Variants in ZNF624 observed in about 807,000 individuals in gnomAD.
ZNF624 encodes the protein zinc finger protein 624.
A neutral mutation model predicts 74.7 loss-of-function variants in ZNF624; 43 were observed. That is an observed-to-expected ratio of 0.58 (90% CI 0.45 to 0.74). The LOEUF (loss-of-function observed/expected upper bound fraction) is 0.74. ZNF624 is among the 30% of genes least tolerant of loss of function. ZNF624 has a pLI of 0.00. For missense variants in ZNF624, 820 were observed against 1,030.0 expected (o/e 0.80, Z 2.79); for synonymous variants, 331 against 341.3 (o/e 0.97, Z 0.33).
Position 16,624,756 on chromosome 17 carries a change from C to T in ZNF624, c.377-247G>A, listed in dbSNP as rs151281539. 137 of 320,116 alleles carry T rather than the reference C, an allele frequency of 4.3e-4. No individual in the cohort carries two copies. The East Asian group carries it at 6.5e-3, about 15-fold the overall frequency. 19.8% of individuals were successfully genotyped at this position (320,116 alleles called of 1,614,324 possible). A position where few individuals can be genotyped will look rare whatever the true frequency, so the allele number is the denominator to read the frequency against. ...ATTCAGCTGGGCACAGTGGCTCATG[C>T]CTATAATCTCAGCACTTTGGGAGGC... On this transcript the variant is annotated intron_variant, in intron 5 of 5. Transcript: ENST00000311331.
At chr17:16,644,424 T>C (rs1008868453) in intron 3 of ZNF624, among the ~76,000 whole-genome samples, 1 of 152,028 alleles carries the variant, frequency 6.6e-6, no homozygotes, top group South Asian at 2.1e-4. Context: ...GCTAAAAGAG[T>C]ACCCATTTAT....
At chr17:16,643,064 C>T (rs9911162) in intron 3 of ZNF624, among the ~76,000 whole-genome samples, 34,791 of 152,092 alleles carry the variant, frequency 0.23, 4,402 homozygotes, top group East Asian at 0.35. Flanking sequence ...AACACTCATA[C>T]GTTGCTGGTG....
At chr17:16,650,111 C>T (rs1909686282) in intron 1 of ZNF624, among the ~76,000 whole-genome samples, 1 of 152,134 alleles carries the variant, frequency 6.6e-6, no homozygotes, top group African/African-American at 2.4e-5. Flanking sequence ...AATTCCAAAG[C>T]CCATACCTTT....
Position 16,649,493 on chromosome 17 carries a change from G to A in ZNF624, c.87+165C>T, listed in dbSNP as rs114162281. 3.1e-3 allele frequency among the ~76,000 whole-genome samples: 465 copies of A among 152,268 alleles called. 5 individuals carry two copies. The highest frequency in any genetic ancestry group is 0.011 in the African/African-American group (438 of 41,556). ...TTTGGTTAAGTAAGTATAGTGAATC[G>A]TCCCATAGTTTACTACCCTTACTGT... On this transcript the variant is annotated intron_variant, in intron 2 of 5. Coordinates refer to ENST00000311331, the MANE Select transcript of ZNF624 (RefSeq NM_020787.4).
At chr17:16,631,613 T>C (rs1286617221) in intron 5 of ZNF624, 1 of 152,058 alleles carries the variant, frequency 6.6e-6, no homozygotes. Flanking sequence ...CTCCCAGCTA[T>C]GTAGGAGGAT....
At chr17:16,619,843 G>A (rs548566433), downstream of ZNF624, among the ~76,000 whole-genome samples, 16 of 152,326 alleles carry the variant, frequency 1.1e-4, no homozygotes, top group African/African-American at 2.2e-4. Context: ...GTGAGGATTC[G>A]GAGGCAGAAT....
chr17:16,624,167 T>C lies in ZNF624; in HGVS notation c.719A>G (p.Asp240Gly), dbSNP rs1157001860. ...NFTENLNLIT[D>G]THLGKIICKE... ...GCAAATTATCTTCCCCAAATGGGTA[T>C]CTGTAATCAAATTTAAATTCTCTGT... The change falls in exon 6 of 6, where the codon GAT (aspartate) becomes GGT (glycine). Residue 240 changes from aspartate to glycine, a missense_variant. Transcript: ENST00000311331. 6.2e-7 allele frequency: 1 copy of C among 1,614,070 alleles called. No homozygotes were observed. The highest frequency in any genetic ancestry group is 1.3e-5 in the African/African-American group (1 of 74,946).
At chr17:16,649,546 T>G in intron 2 of ZNF624, 112 bp downstream of exon 2, 1 of 911,872 alleles carries the variant, frequency 1.1e-6, no homozygotes, top group Non-Finnish European at 1.8e-6. Flanking sequence ...GTCTATTTAG[T>G]TGAGTTCCCA....
At chr17:16,617,257 C>A (rs1286647008), downstream of ZNF624, 3 of 1,613,064 alleles carry the variant, frequency 1.9e-6, no homozygotes, top group Admixed American at 1.7e-5. Flanking sequence ...GCTGCTCCTG[C>A]GACTCCTACT....
Position 16,623,163 on chromosome 17 carries a change from G to T in ZNF624, c.1723C>A (p.Gln575Lys). The change falls in exon 6 of 6, where the codon CAG becomes AAG. Residue 575 changes from glutamine to lysine, a missense_variant. Coordinates refer to ENST00000311331, the MANE Select transcript of ZNF624 (RefSeq NM_020787.4). This position sits in a 1 kb window ranked among gnomAD's most constrained non-coding sequence, Gnocchi z 5.3. ...GGTTTCTCTTCAGTATGAATACGCT[G>T]ATGTATAATTAGAGAAGAAGAACGC... ...FMRSSSLIIH[Q>K]RIHTEEKPYL... is the part of the protein sequence containing the mutation. 1.2e-6 allele frequency: 2 copies of T among 1,613,852 alleles called. No individual in the cohort carries two copies. Among genetic ancestry groups the T allele is most frequent in the African/African-American group, 2.7e-5 (2 of 75,038 alleles).
intron 5 of ZNF624, among the ~76,000 whole-genome samples, chr17:16,626,578 C>A (rs71360180): frequency 0.038 from 5,722 of 151,938 alleles, 167 homozygotes; most frequent in Admixed American, 0.073. Flanking sequence ...CACAGTGAGA[C>A]CCCATCTCTA....
chr17:16,634,797 T>TA (rs765572805), intron 3 of ZNF624, 41 bp from the exon 4 acceptor site: 15 of 1,568,826 alleles, frequency 9.6e-6, no homozygotes, highest in South Asian at 8.4e-5. Context: ...ACTATACAAT[T>TA]AGACTTGTTA....
At chr17:16,631,929 C>T (rs1371296111) in intron 5 of ZNF624, among the ~76,000 whole-genome samples, 1 of 152,032 alleles carries the variant, frequency 6.6e-6, no homozygotes, top group African/African-American at 2.4e-5. Flanking sequence ...ATTTGCTAAA[C>T]TGAAACAAAA....
chr17:16,651,108 CAGGGTTAGTTAAATCA>C (rs1449010095), intron 1 of ZNF624, among the ~76,000 whole-genome samples: 1 of 151,720 alleles, frequency 6.6e-6, no homozygotes, highest in African/African-American at 2.4e-5. Flanking sequence ...AGGAGGAGAC[CAGGGTTAGTTAAATCA>C]AGAAAATATG....
At chr17:16,626,524 AG>A in intron 5 of ZNF624, among the ~76,000 whole-genome samples, 1 of 152,012 alleles carries the variant, frequency 6.6e-6, no homozygotes, top group Non-Finnish European at 1.5e-5. Flanking sequence ...AGGATGAGAC[AG>A]GAAGACTGCT....
At chr17:16,651,482 T>C (rs1909723088) in intron 1 of ZNF624, among the ~76,000 whole-genome samples, 1 of 150,646 alleles carries the variant, frequency 6.6e-6, no homozygotes, top group Non-Finnish European at 1.5e-5. Context: ...ACCTGTTTCA[T>C]GACACTGGGG....
At chr17:16,615,179 G>A in the ZNF624 span, among the ~76,000 whole-genome samples, 296 of 152,220 alleles carry the variant, frequency 1.9e-3, 2 homozygotes, top group African/African-American at 6.7e-3. Flanking sequence ...CTCACTGCAA[G>A]CTCCGCCTCC....
At position 16,622,297 on chromosome 17, in the gene ZNF624, CTGAG is replaced by C; in HGVS notation, c.2585_2588del (p.Thr862SerfsTer2). ...AATGACTTATTGTTCTTTATATTAA[CTGAG>C]TTTCTCTTTGATGTATTCTTTGATG... On this transcript the variant is annotated frameshift_variant, in exon 6 of 6. Coordinates refer to ENST00000311331, the MANE Select transcript of ZNF624 (RefSeq NM_020787.4). LOFTEE classifies it high-confidence loss of function. 6.4e-7 allele frequency: 1 copy of C among 1,556,178 alleles called. No homozygotes were observed.
Position 16,621,446 on chromosome 17 carries a change from T to C in ZNF624, c.*842A>G, listed in dbSNP as rs1908910412. ...TGAGACTGCTGGGTCTAAGAGTATA[T>C]ATGTTTTAAATTTTTAAACATATAT... On this transcript the variant is annotated 3_prime_UTR_variant, in exon 6 of 6. Transcript: ENST00000311331. The C allele has an allele frequency of 6.6e-6, 1 of 152,264 alleles. No individual in the cohort carries two copies. Among genetic ancestry groups the C allele is most frequent in the African/African-American group, 2.4e-5 (1 of 41,468 alleles). The allele number at this position is 152,264 out of a possible 1,614,324, so 9.4% of individuals were successfully genotyped here. A position where few individuals can be genotyped will look rare whatever the true frequency, so the allele number is the denominator to read the frequency against.
Sources: gnomAD v4.1 joint callset for allele counts (sites outside exome capture counted in the v4.1 genomes callset) on GRCh38, gnomAD v4.1.1 for gene constraint, Gnocchi (gnomAD v3.1) non-coding constraint, MANE v1.5 for transcripts, NCBI Gene and HGNC (gene_info 2026-07-23, HGNC 2026-07-21) for gene names.